EVC: variants seen among roughly 807,000 people sequenced by gnomAD.
The protein encoded by EVC is EvC ciliary complex subunit 1, also known as evC complex member EVC.
In EVC, 116 loss-of-function variants were observed where a neutral mutation model predicts 118.9. That is an observed-to-expected ratio of 0.98 (90% CI 0.84 to 1.14). The LOEUF is 1.14. Among genes scored for constraint, EVC ranks in the 50% most tolerant of loss-of-function variants. The probability of loss-of-function intolerance (pLI) is 0.00; values close to 1 mark genes in which losing one functional copy is unlikely to be tolerated. For missense variants in EVC, 1,401 were observed against 1,246.4 expected, an observed-to-expected ratio of 1.12 and a Z score of -1.87; for synonymous variants, 619 against 534.7, an observed-to-expected ratio of 1.16 and a Z score of -2.18.
chr4:5,767,865 C>T (rs982313729), intron 11 of EVC, among the ~76,000 whole-genome samples: 9 of 152,192 alleles, frequency 5.9e-5, no homozygotes, highest in South Asian at 2.1e-4. Flanking sequence ...CCATCTTCTG[C>T]GTCGCTCACG....
At chr4:5,736,182 G>A (rs1159122296) in intron 5 of EVC, among the ~76,000 whole-genome samples, 1 of 152,102 alleles carries the variant, frequency 6.6e-6, no homozygotes, top group Non-Finnish European at 1.5e-5. Context: ...TAAATAAAGG[G>A]GAGCACCAGC....
At position 5,731,864 on chromosome 4, in the gene EVC, G is replaced by A. The variant is rs1726880169; in HGVS notation, c.617+207G>A. The stretch of plus-strand genomic sequence containing the variant: ...GCCCAACACTGGGGTTATGGAGTCA[G>A]GCCTGAGCCCCGGGGAGAGATGACA... On this transcript the variant is annotated intron_variant, in intron 4 of 20. Transcript: ENST00000264956. The surrounding 1 kb of genome is among the most constrained non-coding windows in gnomAD (Gnocchi z 5.6). Among the ~76,000 whole-genome samples the A allele has an allele frequency of 6.6e-6, 1 of 152,090 alleles. No homozygotes were observed. Among genetic ancestry groups the A allele is most frequent in the African/African-American group, 2.4e-5 (1 of 41,412 alleles).
In EVC at chr4:5,761,477, C is replaced by T. The variant is rs945245151; in HGVS notation, c.1563+5115C>T. Among the ~76,000 whole-genome samples the T allele has an allele frequency of 1.5e-4, 14 of 92,540 alleles. 2 individuals are homozygous for T. The highest frequency in any genetic ancestry group is 6.2e-4 in the African/African-American group (14 of 22,424). 60.7% of individuals were successfully genotyped at this position (92,540 alleles called of 152,430 possible). A position where few individuals can be genotyped will look rare whatever the true frequency, so the allele number is the denominator to read the frequency against. On this transcript the variant is annotated intron_variant, in intron 11 of 20. Coordinates refer to ENST00000264956, the MANE Select transcript of EVC (RefSeq NM_153717.3). ...GTTCTCAGGAGGTTTAATATTTATA[C>T]ATTTTCCTTTAAAAAGGCGGGGGGC...
chr4:5,768,675 G>A (rs182339604), intron 11 of EVC, among the ~76,000 whole-genome samples: 54 of 151,894 alleles, frequency 3.6e-4, no homozygotes, highest in Admixed American at 1.5e-3. Context: ...TGGCCAACAG[G>A]GTGAAACCTC....
Position 5,783,824 on chromosome 4 carries a change from G to T in EVC, c.1776+60G>T, listed in dbSNP as rs562482960. On this transcript the variant is annotated intron_variant, in intron 12 of 20. Coordinates refer to ENST00000264956, the MANE Select transcript of EVC (RefSeq NM_153717.3). ...GCATTTTAGAAACACACGAAGAAGCGTGAGAGATCTCACGTCCTGAACACC... is the reference window on the plus strand; with the variant it reads ...GCATTTTAGAAACACACGAAGAAGCTTGAGAGATCTCACGTCCTGAACACC... 14 of 1,475,676 alleles carry T rather than the reference G, an allele frequency of 9.5e-6. No individual in the cohort carries two copies. The South Asian group carries it at 1.3e-4, about 14-fold the overall frequency. The allele number at this position is 1,475,676 out of a possible 1,614,324, so 91.4% of individuals were successfully genotyped here. A position where few individuals can be genotyped will look rare whatever the true frequency, so the allele number is the denominator to read the frequency against.
In EVC at chr4:5,756,299, G is replaced by A. The variant is rs149898884; in HGVS notation, c.1500G>A (p.Met500Ile). The A allele has an allele frequency of 3.1e-4, 502 of 1,613,142 alleles. No individual in the cohort carries two copies. In the African/African-American group the frequency reaches 5.9e-3, roughly 19 times the overall value. The stretch of plus-strand genomic sequence containing the variant: ...AGGTCCTGGAGAGGCAGAGGCTGAT[G>A]CAGTGTGACCTGGAGGAAGAGGAGA... ...FHEVLERQRLMQCDLEEEENV... is the reference protein window; with the variant it reads ...FHEVLERQRLIQCDLEEEENV... The change falls in exon 11 of 21, where the codon ATG becomes ATA. Residue 500 changes from methionine to isoleucine, a missense_variant. By Grantham distance (10) the Met-to-Ile change is conservative (BLOSUM62 1). Coordinates refer to ENST00000264956, the MANE Select transcript of EVC (RefSeq NM_153717.3). This position sits in a 1 kb window ranked among gnomAD's most constrained non-coding sequence, Gnocchi z 4.2.
chr4:5,811,132 G>A lies in EVC; in HGVS notation c.*95G>A. ...AGTGCTGAGAGGCAGCGAGGACGGA[G>A]AGGACAGCGGCATCTCTAGGCTCTT... On this transcript the variant is annotated 3_prime_UTR_variant, in exon 21 of 21. Coordinates refer to ENST00000264956, the MANE Select transcript of EVC (RefSeq NM_153717.3). 2.1e-6 allele frequency: 2 copies of A among 971,786 alleles called. No homozygotes were observed. Among genetic ancestry groups the A allele is most frequent in the South Asian group, 2.8e-5 (2 of 72,122 alleles). The allele number at this position is 971,786 out of a possible 1,614,324, so 60.2% of individuals were successfully genotyped here.
rs1422635429 is a variant in EVC at position 5,766,041 on chromosome 4, C to T, written c.1563+9679C>T. 4.5e-5 allele frequency among the ~76,000 whole-genome samples: 6 copies of T among 133,672 alleles called. No homozygotes were observed. The East Asian group carries it at 1.4e-3, about 32-fold the overall frequency. 87.7% of individuals were successfully genotyped at this position (133,672 alleles called of 152,430 possible). ...TGGCTTGATTTTGCAGCGGCTTGTA[C>T]CGGTTGTTCCTTTCCATGTTTAGCG... is the stretch of plus-strand genomic sequence containing the variant. On this transcript the variant is annotated intron_variant, in intron 11 of 20. Coordinates refer to ENST00000264956, the MANE Select transcript of EVC (RefSeq NM_153717.3).
At chr4:5,745,598 T>G (rs1472039035) in intron 7 of EVC, among the ~76,000 whole-genome samples, 1 of 152,234 alleles carries the variant, frequency 6.6e-6, no homozygotes, top group African/African-American at 2.4e-5. Context: ...CTTTTTATCA[T>G]TCAAAGCAAA....
intron 8 of EVC, among the ~76,000 whole-genome samples, chr4:5,750,364 A>G (rs1453266563): frequency 3.9e-5 from 6 of 152,264 alleles, no homozygotes; most frequent in Admixed American, 3.3e-4. Context: ...TGGCCAGAGT[A>G]TCAGCCAATA....
chr4:5,729,498 G>T, intron 3 of EVC, 108 bp downstream of exon 3: 1 of 1,111,484 alleles, frequency 9.0e-7, no homozygotes. Context: ...CTGTTTGAGG[G>T]TTTTATGGCA....
intron 11 of EVC, among the ~76,000 whole-genome samples, chr4:5,762,148 G>T (rs1330863315): frequency 7.7e-6 from 1 of 129,574 alleles, no homozygotes; most frequent in African/African-American, 2.9e-5. Flanking sequence ...GAGAATATGC[G>T]GTGTTTGGTT....
chr4:5,774,636 G>A (rs1734456843), intron 11 of EVC, among the ~76,000 whole-genome samples: 1 of 152,064 alleles, frequency 6.6e-6, no homozygotes, highest in South Asian at 2.1e-4. Flanking sequence ...CGGCTGCAGA[G>A]GAGACAGCTG....
chr4:5,780,663 A>G (rs1427770358), intron 11 of EVC, among the ~76,000 whole-genome samples: 3 of 152,214 alleles, frequency 2.0e-5, no homozygotes, highest in Admixed American at 6.5e-5. Context: ...GTCCATGAGA[A>G]GGACAATCAT....
At chr4:5,786,808 C>T (rs546630131) in intron 12 of EVC, among the ~76,000 whole-genome samples, 1 of 148,240 alleles carries the variant, frequency 6.7e-6, no homozygotes, top group South Asian at 2.1e-4. Context: ...GGAGGCAGAG[C>T]TTGCAGTGAG....
intron 11 of EVC, among the ~76,000 whole-genome samples, chr4:5,781,616 C>T (rs1262245078): frequency 6.6e-6 from 1 of 152,098 alleles, no homozygotes; most frequent in African/African-American, 2.4e-5. Context: ...GCAGGCAGAT[C>T]ATTTGAGCTC....
chr4:5,784,114 C>T (rs369464578), intron 12 of EVC, among the ~76,000 whole-genome samples: 3 of 152,136 alleles, frequency 2.0e-5, no homozygotes, highest in Non-Finnish European at 4.4e-5. Context: ...CACAGGACTC[C>T]TGTTTTTCAG....
intron 2 of EVC, among the ~76,000 whole-genome samples, chr4:5,726,608 A>C (rs1725865533): frequency 7.3e-6 from 1 of 137,470 alleles, no homozygotes; most frequent in Non-Finnish European, 1.5e-5. Context: ...TTTAGGGTAC[A>C]TGTGCACATT....
At chr4:5,804,607 G>A (rs1715560750) in intron 16 of EVC, 123 bp from the exon 17 acceptor site, 2 of 788,630 alleles carry the variant, frequency 2.5e-6, no homozygotes, top group Non-Finnish European at 4.5e-6. Context: ...CTGTGCTGGT[G>A]GAAGGATACA....
Sources: gnomAD v4.1 joint callset for allele counts (sites outside exome capture counted in the v4.1 genomes callset) on GRCh38, gnomAD v4.1.1 for gene constraint, Gnocchi (gnomAD v3.1) non-coding constraint, MANE v1.5 for transcripts, NCBI Gene and HGNC (gene_info 2026-07-23, HGNC 2026-07-21) for gene names.